LARP1B: variants seen among roughly 807,000 people sequenced by gnomAD.
LARP1B encodes the protein La ribonucleoprotein 1B.
Under a neutral mutation model 114.2 loss-of-function variants are expected in LARP1B, and 76 were observed. That is an observed-to-expected ratio of 0.67 (90% CI 0.55 to 0.81). LARP1B has a LOEUF of 0.81. LARP1B is among the 30% of genes least tolerant of loss of function. The pLI, the probability that LARP1B is intolerant of heterozygous loss-of-function variation, is 0.00. For synonymous variants in LARP1B, 345 were observed against 348.0 expected (o/e 0.99, Z 0.10); for missense variants, 1,014 against 1,075.8 (o/e 0.94, Z 0.80).
At position 128,124,691 on chromosome 4, in the gene LARP1B, G is replaced by C. The variant is rs75149415; in HGVS notation, c.1524+2503G>C. The stretch of plus-strand genomic sequence containing the variant: ...GACAAGAGTGGGCAGAAGAAATCCA[G>C]TTAACAGGCTGTCCATATAGAAGAT... On this transcript the variant is annotated intron_variant, in intron 11 of 19. Transcript: ENST00000326639. 5.9e-3 allele frequency among the ~76,000 whole-genome samples: 906 copies of C among 152,276 alleles called. 9 individuals carry two copies. The highest frequency in any genetic ancestry group is 0.021 in the African/African-American group (852 of 41,554).
intron 15 of LARP1B, among the ~76,000 whole-genome samples, chr4:128,183,813 G>A (rs1039879345): frequency 6.6e-6 from 1 of 152,178 alleles, no homozygotes; most frequent in Non-Finnish European, 1.5e-5. Context: ...GTGATTCATA[G>A]GAGGAAGTCA....
chr4:128,081,379 T>TG (rs1040904683), intron 4 of LARP1B, among the ~76,000 whole-genome samples: 14 of 18,906 alleles, frequency 7.4e-4, no homozygotes, highest in African/African-American at 2.2e-3. Context: ...GCGCCCGGCC[T>TG]TTTTTTTTTT....
Position 128,166,989 on chromosome 4 carries a change from T to TAC in LARP1B, c.1648+4673_1648+4674insCA, listed in dbSNP as rs1224016440. Among the ~76,000 whole-genome samples the TAC allele has an allele frequency of 7.8e-4, 111 of 142,278 alleles. 2 individuals are homozygous for TAC. In the East Asian group the frequency reaches 8.8e-3, roughly 11 times the overall value. 93.3% of individuals were successfully genotyped at this position (142,278 alleles called of 152,430 possible). ...CTCTCTCTATATATATATATATATA[T>TAC]ATATACACACACACATATATATACA... is the stretch of plus-strand genomic sequence containing the variant. On this transcript the variant is annotated intron_variant, in intron 12 of 19. Transcript: ENST00000326639.
rs145478870 is a variant in LARP1B, at chr4:128,124,253, T to G, written c.1524+2065T>G. ...CCCACAATAAGTACTTAATCACAAA[T>G]TACAATAAATACTCTAAAAGAAAAA... On this transcript the variant is annotated intron_variant, in intron 11 of 19. Transcript: ENST00000326639. 4.6e-5 allele frequency among the ~76,000 whole-genome samples: 7 copies of G among 152,150 alleles called. No individual in the cohort carries two copies. In the East Asian group the frequency reaches 1.4e-3, roughly 29 times the overall value.
At chr4:128,212,955 G>A (rs571961117), downstream of LARP1B, among the ~76,000 whole-genome samples, 45 of 77,452 alleles carry the variant, frequency 5.8e-4, no homozygotes, top group Admixed American at 6.6e-3. Context: ...CTTTGCTCTT[G>A]TTGCCCGGGC....
chr4:128,164,086 G>A (rs1739682978), intron 12 of LARP1B, among the ~76,000 whole-genome samples: 1 of 151,950 alleles, frequency 6.6e-6, no homozygotes, highest in South Asian at 2.1e-4. Context: ...CTTTGATTTT[G>A]TAGTTGTATT....
chr4:128,122,669 G>A, intron 11 of LARP1B: 1 of 1,355,056 alleles, frequency 7.4e-7, no homozygotes, highest in South Asian at 2.2e-5. Context: ...ATCTAAGGTA[G>A]TGGAAATGGT....
chr4:128,170,903 C>T (rs1743374006), intron 12 of LARP1B, among the ~76,000 whole-genome samples: 1 of 136,208 alleles, frequency 7.3e-6, no homozygotes, highest in Admixed American at 7.4e-5. Flanking sequence ...TTCTATTGCC[C>T]ATTTTGTGCA....
intron 9 of LARP1B, chr4:128,107,698 G>T (rs1782586823): frequency 1.3e-5 from 18 of 1,434,368 alleles, no homozygotes; most frequent in African/African-American, 2.9e-5. Flanking sequence ...CTTTAATTTT[G>T]TTACCAATAC....
At chr4:128,173,593 A>G (rs923312064) in intron 12 of LARP1B, among the ~76,000 whole-genome samples, 1 of 152,204 alleles carries the variant, frequency 6.6e-6, no homozygotes, top group Admixed American at 6.5e-5. Context: ...CTTAGATAGT[A>G]AAATAGTTAG....
chr4:128,122,647 C>A, intron 11 of LARP1B: 1 of 1,443,694 alleles, frequency 6.9e-7, no homozygotes, highest in South Asian at 1.5e-5. Flanking sequence ...CCCACTTAGT[C>A]TATGGTGCAT....
At chr4:128,120,208 G>C (rs1230789071) in intron 10 of LARP1B, among the ~76,000 whole-genome samples, 1 of 152,042 alleles carries the variant, frequency 6.6e-6, no homozygotes, top group Non-Finnish European at 1.5e-5. Context: ...CACTCAGATA[G>C]TTATCGACTA....
chr4:128,075,121 G>T, intron 3 of LARP1B, 128 bp downstream of exon 3: 2 of 671,848 alleles, frequency 3.0e-6, no homozygotes, highest in Non-Finnish European at 5.1e-6. Flanking sequence ...TTATTTTTTT[G>T]AGACAGGGTC....
intron 10 of LARP1B, among the ~76,000 whole-genome samples, chr4:128,116,807 T>A (rs1187709111): frequency 6.6e-6 from 1 of 152,184 alleles, no homozygotes; most frequent in Non-Finnish European, 1.5e-5. Flanking sequence ...TGGGCATCAT[T>A]TTTCTTTGGA....
chr4:128,098,747 G>GTGTATATATATATATATA lies in LARP1B; in HGVS notation c.813+418_813+419insGTATATATATATATATAT. The stretch of plus-strand genomic sequence containing the variant: ...AGCATGTGTTCCTGTATATGTATGT[G>GTGTATATATATATATATA]TATATATATATATATATATATTTTT... On this transcript the variant is annotated intron_variant, in intron 8 of 19. Transcript: ENST00000326639. 6.4e-4 allele frequency among the ~76,000 whole-genome samples: 10 copies of GTGTATATATATATATATA among 15,584 alleles called. 1 individual carries two copies. The highest frequency in any genetic ancestry group is 1.7e-3 in the African/African-American group (9 of 5,170). 10.2% of individuals were successfully genotyped at this position (15,584 alleles called of 152,430 possible).
At chr4:128,093,662 G>A (rs1310969142) in intron 7 of LARP1B, among the ~76,000 whole-genome samples, 1 of 151,284 alleles carries the variant, frequency 6.6e-6, no homozygotes, top group Non-Finnish European at 1.5e-5. Context: ...GTATCGTACA[G>A]TATGAGGCCT....
chr4:128,092,284 T>A (rs1388652382), intron 7 of LARP1B, among the ~76,000 whole-genome samples: 1 of 152,176 alleles, frequency 6.6e-6, no homozygotes, highest in African/African-American at 2.4e-5. Flanking sequence ...AAGTTTTTTT[T>A]ATCTTCTAAG....
chr4:128,184,545 A>G (rs1194707508), intron 15 of LARP1B, among the ~76,000 whole-genome samples: 1 of 151,880 alleles, frequency 6.6e-6, no homozygotes, highest in Non-Finnish European at 1.5e-5. Flanking sequence ...CACCTCAAAC[A>G]TTTTTCTTTA....
At chr4:128,061,948 G>A in intron 1 of LARP1B, 1 of 985,188 alleles carries the variant, frequency 1.0e-6, no homozygotes, top group Non-Finnish European at 1.2e-6. Context: ...TGAGGCCCCT[G>A]GCGCTGCACC....
Sources: gnomAD v4.1 joint callset for allele counts (sites outside exome capture counted in the v4.1 genomes callset) on GRCh38, gnomAD v4.1.1 for gene constraint, MANE v1.5 for transcripts, NCBI Gene and HGNC (gene_info 2026-07-23, HGNC 2026-07-21) for gene names.